Variants in TMEFF2 observed in about 807,000 individuals in gnomAD.
TMEFF2 encodes the protein tomoregulin-2.
Under a neutral mutation model 53.8 loss-of-function variants are expected in TMEFF2, and 28 were observed. That is an observed-to-expected ratio of 0.52 (90% CI 0.39 to 0.71). TMEFF2 has a LOEUF of 0.71. Ranked by LOEUF, TMEFF2 falls within the 30% of genes least tolerant of loss-of-function variation. The pLI is 0.00. For missense variants in TMEFF2, 353 were observed against 455.2 expected (o/e 0.78, Z 2.04); for synonymous variants, 162 against 166.3 (o/e 0.97, Z 0.20).
chr2:191,986,800 G>A (rs1685986973), intron 7 of TMEFF2, among the ~76,000 whole-genome samples: 2 of 149,694 alleles, frequency 1.3e-5, no homozygotes, highest in Admixed American at 6.7e-5. Context: ...AGAGGTTGCC[G>A]TGAGCTGACA....
chr2:192,179,692 C>T lies in TMEFF2; in HGVS notation c.415G>A (p.Ala139Thr), dbSNP rs1691138869. ...CCTCCATCTCCAGATCCTGATCCTGCATCTGTGGGGGGAAAAGTTATATTT... is the reference window on the plus strand; with the variant it reads ...CCTCCATCTCCAGATCCTGATCCTGTATCTGTGGGGGGAAAAGTTATATTT... ...VVSEGSCATD[A>T]GSGSGDGVHE... is the part of the protein sequence containing the mutation. Residue 139 changes from alanine to threonine, a missense_variant and splice_region_variant, in exon 4 of 10, where the codon GCA becomes ACA. Transcript: ENST00000272771. 6.6e-7 allele frequency: 1 copy of T among 1,520,490 alleles called. No individual in the cohort carries two copies. 94.2% of individuals were successfully genotyped at this position (1,520,490 alleles called of 1,614,324 possible).
intron 4 of TMEFF2, among the ~76,000 whole-genome samples, chr2:192,105,303 T>C (rs73982396): frequency 0.027 from 4,127 of 152,032 alleles, 210 homozygotes; most frequent in African/African-American, 0.093. Context: ...ATATACATTC[T>C]ACAATAAATA....
chr2:191,949,265 A>G lies in TMEFF2; in HGVS notation c.*1046T>C. 2 of 985,324 alleles carry G rather than the reference A, an allele frequency of 2.0e-6. No individual in the cohort carries two copies. Among genetic ancestry groups the G allele is most frequent in the Non-Finnish European group, 2.4e-6 (2 of 829,862 alleles). The allele number at this position is 985,324 out of a possible 1,614,324, so 61.0% of individuals were successfully genotyped here. A position where few individuals can be genotyped will look rare whatever the true frequency, so the allele number is the denominator to read the frequency against. ...AGGTCTTTCAGATGCTATAGGATTA[A>G]TTTTCTTTCTTACCTCACCACATAA... is the stretch of plus-strand genomic sequence containing the variant. On this transcript the variant is annotated 3_prime_UTR_variant, in exon 10 of 10. Transcript: ENST00000272771.
chr2:192,064,086 C>T (rs373327726), intron 4 of TMEFF2, among the ~76,000 whole-genome samples: 7 of 151,834 alleles, frequency 4.6e-5, no homozygotes, highest in African/African-American at 1.7e-4. Flanking sequence ...TCATATTTGA[C>T]CAATCTTTTG....
In TMEFF2 at chr2:192,192,011, C is replaced by T. The variant is rs3768702; in HGVS notation, c.173-22G>A. 2.0e-6 allele frequency: 3 copies of T among 1,483,282 alleles called. No homozygotes were observed. The African/African-American group carries it at 4.2e-5, about 21-fold the overall frequency. 91.9% of individuals were successfully genotyped at this position (1,483,282 alleles called of 1,614,324 possible). A position where few individuals can be genotyped will look rare whatever the true frequency, so the allele number is the denominator to read the frequency against. On this transcript the variant is annotated intron_variant, in intron 1 of 9. Coordinates refer to ENST00000272771, the MANE Select transcript of TMEFF2 (RefSeq NM_016192.4). Reference sequence around the variant, plus strand: ...TAACCTCAAATTCAAAGAGAACACTCCAGTCATTAAAACATCTTACAGATT... The same window carrying T: ...TAACCTCAAATTCAAAGAGAACACTTCAGTCATTAAAACATCTTACAGATT...
intron 4 of TMEFF2, among the ~76,000 whole-genome samples, chr2:192,158,787 C>T (rs1001778266): frequency 3.9e-5 from 6 of 152,014 alleles, no homozygotes; most frequent in Admixed American, 3.3e-4. Context: ...AATTGTGCAT[C>T]GTATGCTTGT....
chr2:191,956,137 G>A (rs1692084992), intron 8 of TMEFF2, 118 bp downstream of exon 8: 1 of 1,119,288 alleles, frequency 8.9e-7, no homozygotes, highest in Non-Finnish European at 1.2e-6. Context: ...GCAGAGAAAA[G>A]TTTTGTTGCT....
chr2:191,953,289 A>G lies in TMEFF2; in HGVS notation c.1028+390T>C, dbSNP rs147779118. ...TATCTAAGGTTTTCATTTACCATAA[A>G]AGTACAACTACTTGTATTTTTGCAT... On this transcript the variant is annotated intron_variant, in intron 9 of 9. Coordinates refer to ENST00000272771, the MANE Select transcript of TMEFF2 (RefSeq NM_016192.4). 1.6e-3 allele frequency among the ~76,000 whole-genome samples: 249 copies of G among 152,340 alleles called. 3 individuals carry two copies. The highest frequency in any genetic ancestry group is 5.9e-3 in the African/African-American group (246 of 41,576).
At chr2:192,161,278 C>T (rs566296152) in intron 4 of TMEFF2, among the ~76,000 whole-genome samples, 82 of 152,208 alleles carry the variant, frequency 5.4e-4, no homozygotes, top group African/African-American at 1.7e-3. Flanking sequence ...AAGCGATTCT[C>T]CCTAGTAGCT....
Position 192,057,731 on chromosome 2 carries a change from A to C in TMEFF2, c.484T>G (p.Cys162Gly), listed in dbSNP as rs1321861669. 1 of 1,613,916 alleles carries C rather than the reference A, an allele frequency of 6.2e-7. No homozygotes were observed. Among genetic ancestry groups the C allele is most frequent in the Non-Finnish European group, 8.5e-7 (1 of 1,179,934 alleles). The change falls in exon 5 of 10, where the codon TGT becomes GGT. Residue 162 changes from cysteine (C) to glycine (G), a missense_variant. Cys to Gly is a radical substitution (Grantham distance 159, BLOSUM62 -3). This residue lies in a region of TMEFF2 where 294 missense variants were observed against 397.3 expected (regional missense o/e 0.74). Transcript: ENST00000272771. Reference sequence around the variant, plus strand: ...TCTGCACCAAACTGGCAAATATCACAGGTGGATGTCTCCTTTTGACTAGTT... The same window carrying C: ...TCTGCACCAAACTGGCAAATATCACCGGTGGATGTCTCCTTTTGACTAGTT... Reference protein sequence around the residue: ...GETSQKETSTCDICQFGAECD... With the variant: ...GETSQKETSTGDICQFGAECD...
At chr2:191,991,515 G>GATCAAGAAACTGAGGCTTCAACTA (rs1303980726) in intron 7 of TMEFF2, among the ~76,000 whole-genome samples, 1 of 152,036 alleles carries the variant, frequency 6.6e-6, no homozygotes, top group African/African-American at 2.4e-5. Flanking sequence ...CCATTAAACA[G>GATCAAGAAACTGAGGCTTCAACTA]ATCAAGAAAC....
At chr2:192,056,869 G>A (rs557890038) in intron 5 of TMEFF2, among the ~76,000 whole-genome samples, 35 of 152,134 alleles carry the variant, frequency 2.3e-4, no homozygotes, top group Non-Finnish European at 4.0e-4. Flanking sequence ...TAAGAAGAAG[G>A]CTATTTTAAG....
intron 5 of TMEFF2, among the ~76,000 whole-genome samples, chr2:192,050,894 T>A (rs1342823036): frequency 6.6e-6 from 1 of 152,202 alleles, no homozygotes; most frequent in Non-Finnish European, 1.5e-5. Flanking sequence ...TATCAACATT[T>A]TCCCCTTGAA....
chr2:192,124,431 G>A (rs1204553272), intron 4 of TMEFF2, among the ~76,000 whole-genome samples: 2 of 152,152 alleles, frequency 1.3e-5, no homozygotes, highest in African/African-American at 2.4e-5. Flanking sequence ...ACATTCTAAT[G>A]GGGCTCTGAG....
At chr2:192,034,414 C>T (rs1687230168) in intron 5 of TMEFF2, among the ~76,000 whole-genome samples, 2 of 152,040 alleles carry the variant, frequency 1.3e-5, no homozygotes, top group Admixed American at 6.6e-5. Flanking sequence ...CCCATCACTC[C>T]TCCATGGGGA....
intron 2 of TMEFF2, 50 bp downstream of exon 2, chr2:192,191,830 C>T: frequency 7.7e-7 from 1 of 1,295,778 alleles, no homozygotes; most frequent in Non-Finnish European, 1.1e-6. Context: ...AAGATTCCTG[C>T]TTTGCAGTCT....
chr2:191,990,196 A>G (rs1187860120), intron 7 of TMEFF2, among the ~76,000 whole-genome samples: 1 of 152,194 alleles, frequency 6.6e-6, no homozygotes, highest in Non-Finnish European at 1.5e-5. Flanking sequence ...GGAGGAAACA[A>G]ACTACAACCA....
chr2:192,000,556 G>A lies in TMEFF2; in HGVS notation c.537-1348C>T, dbSNP rs114732361. 7.5e-3 allele frequency among the ~76,000 whole-genome samples: 1,139 copies of A among 152,114 alleles called. 12 individuals carry two copies. The highest frequency in any genetic ancestry group is 0.026 in the African/African-American group (1,094 of 41,516). On this transcript the variant is annotated intron_variant, in intron 5 of 9. Coordinates refer to ENST00000272771, the MANE Select transcript of TMEFF2 (RefSeq NM_016192.4). ...GATTTCTGGGCTCCAGTAAATCTAGGGTAGCTTCTAACATTCTATATTCTT... is the reference window on the plus strand; with the variant it reads ...GATTTCTGGGCTCCAGTAAATCTAGAGTAGCTTCTAACATTCTATATTCTT...
At chr2:192,129,545 C>A (rs1689761535) in intron 4 of TMEFF2, among the ~76,000 whole-genome samples, 1 of 152,142 alleles carries the variant, frequency 6.6e-6, no homozygotes, top group African/African-American at 2.4e-5. Context: ...GAGGACCCCA[C>A]ATGCATTCTT....
Sources: allele counts gnomAD v4.1 joint callset (sites outside exome capture counted in the v4.1 genomes callset), GRCh38; gene constraint gnomAD v4.1.1; regional missense constraint gnomAD v4.1.1; transcripts MANE v1.5; gene names NCBI Gene and HGNC (gene_info 2026-07-23, HGNC 2026-07-21).